The following UNC13C variants were observed in gnomAD, a reference collection of about 807,000 sequenced individuals.
The protein encoded by UNC13C is unc-13 homolog C.
UNC13C carries 174 observed loss-of-function variants against 245.4 expected under a neutral mutation model. That is an observed-to-expected ratio of 0.71 (90% confidence interval 0.63 to 0.80). The LOEUF (loss-of-function observed/expected upper bound fraction) is 0.80. Ranked by LOEUF, UNC13C falls within the 30% of genes least tolerant of loss-of-function variation. The pLI, the probability that UNC13C is intolerant of heterozygous loss-of-function variation, is 0.00. For missense variants in UNC13C, 2,829 were observed against 2,602.9 expected, an observed-to-expected ratio of 1.09 and a Z score of -1.89; for synonymous variants, 992 against 895.1, an observed-to-expected ratio of 1.11 and a Z score of -1.93.
chr15:54,402,341 A>G, intron 18 of UNC13C, among the ~76,000 whole-genome samples: 1 of 152,314 alleles, frequency 6.6e-6, no homozygotes, highest in East Asian at 1.9e-4. Flanking sequence ...ATATTACATT[A>G]TATGGAAAGA....
chr15:54,224,269 C>A (rs1213604668), intron 4 of UNC13C, among the ~76,000 whole-genome samples: 1 of 152,042 alleles, frequency 6.6e-6, no homozygotes, highest in South Asian at 2.1e-4. Context: ...AGCTGTGTGT[C>A]TGTTGTATTT....
At chr15:54,591,654 G>C (rs1463661320) in intron 30 of UNC13C, among the ~76,000 whole-genome samples, 1 of 151,964 alleles carries the variant, frequency 6.6e-6, no homozygotes, top group East Asian at 1.9e-4. Flanking sequence ...TTGTATCTCA[G>C]TGAGGTTATT....
intron 10 of UNC13C, among the ~76,000 whole-genome samples, chr15:54,291,076 G>T (rs928864374): frequency 2.0e-5 from 3 of 151,940 alleles, no homozygotes; most frequent in Non-Finnish European, 4.4e-5. Context: ...TTTCTACTTA[G>T]ACTTTTCTTC....
At chr15:54,172,733 T>A (rs1243697923) in intron 4 of UNC13C, among the ~76,000 whole-genome samples, 10 of 104,064 alleles carry the variant, frequency 9.6e-5, no homozygotes, top group African/African-American at 4.2e-4. Flanking sequence ...TATATATATA[T>A]ATATATATAT....
At chr15:54,396,231 T>C (rs1020545151) in intron 18 of UNC13C, among the ~76,000 whole-genome samples, 3 of 151,746 alleles carry the variant, frequency 2.0e-5, no homozygotes, top group African/African-American at 7.2e-5. Context: ...ACCCCAATAA[T>C]TCATCCACTT....
chr15:54,152,449 A>C (rs1470842627), intron 4 of UNC13C, among the ~76,000 whole-genome samples: 1 of 152,198 alleles, frequency 6.6e-6, no homozygotes, highest in Non-Finnish European at 1.5e-5. Flanking sequence ...TATATATCAG[A>C]TTCTTAATCT....
intron 4 of UNC13C, among the ~76,000 whole-genome samples, chr15:54,158,105 G>C (rs2032827888): frequency 6.6e-6 from 1 of 152,202 alleles, no homozygotes; most frequent in Non-Finnish European, 1.5e-5. Flanking sequence ...ACAAGGAAGA[G>C]AGAAGCCTCA....
intron 4 of UNC13C, among the ~76,000 whole-genome samples, chr15:54,209,132 A>G (rs1441619404): frequency 6.6e-6 from 1 of 152,104 alleles, no homozygotes; most frequent in African/African-American, 2.4e-5. Flanking sequence ...TCTACTGTGA[A>G]TGTTCAGCTA....
At chr15:54,033,478 T>C (rs1896451451) in intron 2 of UNC13C, among the ~76,000 whole-genome samples, 1 of 152,158 alleles carries the variant, frequency 6.6e-6, no homozygotes, top group Middle Eastern at 3.2e-3. Context: ...TTGAAGATCA[T>C]TGAGAGCAGC....
At chr15:53,887,531 T>C in the UNC13C span, among the ~76,000 whole-genome samples, 2 of 152,166 alleles carry the variant, frequency 1.3e-5, no homozygotes, top group African/African-American at 4.8e-5. Flanking sequence ...AGATATGACA[T>C]TAATATTAGG....
intron 2 of UNC13C, among the ~76,000 whole-genome samples, chr15:54,057,415 C>T (rs1897585041): frequency 1.3e-5 from 2 of 151,090 alleles, no homozygotes; most frequent in South Asian, 2.1e-4. Flanking sequence ...AGCTAACTAT[C>T]CTAAATATAT....
chr15:54,616,782 A>C (rs1048474085), intron 30 of UNC13C, among the ~76,000 whole-genome samples: 3 of 152,062 alleles, frequency 2.0e-5, no homozygotes, highest in African/African-American at 4.8e-5. Flanking sequence ...GAGAGTCTGC[A>C]GGGGGTACAA....
At chr15:54,225,108 T>C (rs2035341512) in intron 4 of UNC13C, among the ~76,000 whole-genome samples, 1 of 151,346 alleles carries the variant, frequency 6.6e-6, no homozygotes, top group African/African-American at 2.4e-5. Context: ...CATTGATCTT[T>C]TGTATTATTT....
chr15:54,071,186 C>A (rs906248467), intron 2 of UNC13C, among the ~76,000 whole-genome samples: 2 of 151,896 alleles, frequency 1.3e-5, no homozygotes, highest in African/African-American at 4.8e-5. Flanking sequence ...ATCAAATTTC[C>A]TTTTTTTAAA....
chr15:54,075,691 C>A (rs972159460), intron 2 of UNC13C, among the ~76,000 whole-genome samples: 7 of 151,778 alleles, frequency 4.6e-5, no homozygotes, highest in African/African-American at 7.3e-5. Context: ...CAGTATTGAG[C>A]AGTGATTGTG....
At chr15:54,242,266 C>G (rs919384785) in intron 7 of UNC13C, among the ~76,000 whole-genome samples, 1 of 152,080 alleles carries the variant, frequency 6.6e-6, no homozygotes, top group African/African-American at 2.4e-5. Flanking sequence ...TCCAAAACCA[C>G]CTGAATATGG....
chr15:54,367,649 C>T (rs1033866775), intron 17 of UNC13C, among the ~76,000 whole-genome samples: 2 of 152,122 alleles, frequency 1.3e-5, no homozygotes, highest in South Asian at 4.1e-4. Flanking sequence ...AATGATCCAA[C>T]AAATTATAGC....
chr15:54,043,511 C>G (rs11631860), intron 2 of UNC13C, among the ~76,000 whole-genome samples: 13,049 of 152,210 alleles, frequency 0.086, 612 homozygotes, highest in South Asian at 0.14. Context: ...CTTCTCTAAG[C>G]AAGTTTGTGC....
At chr15:54,041,515 A>C (rs2141034065) in intron 2 of UNC13C, among the ~76,000 whole-genome samples, 1 of 152,322 alleles carries the variant, frequency 6.6e-6, no homozygotes, top group South Asian at 2.1e-4. Flanking sequence ...TATACCTCTA[A>C]CCAGCAATGA....
Sources: gnomAD v4.1 joint callset for allele counts (sites outside exome capture counted in the v4.1 genomes callset) on GRCh38, gnomAD v4.1.1 for gene constraint, MANE v1.5 for transcripts, NCBI Gene and HGNC (gene_info 2026-07-23, HGNC 2026-07-21) for gene names.